The following KLF12 variants were observed in gnomAD, a reference collection of about 807,000 sequenced individuals.
KLF12 encodes the protein Krueppel-like factor 12.
In KLF12, 9 loss-of-function variants were observed where a neutral mutation model predicts 37.8. The observed-to-expected ratio is 0.24, with a 90% confidence interval of 0.14 to 0.42. The LOEUF is 0.42. Ranked by LOEUF, KLF12 falls within the 10% of genes least tolerant of loss-of-function variation. KLF12 has a pLI of 1.00. For synonymous variants in KLF12, 208 were observed against 202.1 expected (o/e 1.03, Z -0.25); for missense variants, 411 against 516.0 (o/e 0.80, Z 1.97).
At chr13:73,727,790 C>A (rs993856829) in intron 6 of KLF12, among the ~76,000 whole-genome samples, 49 of 152,002 alleles carry the variant, frequency 3.2e-4, no homozygotes, top group Middle Eastern at 3.4e-3. Context: ...CTCCGTCTCC[C>A]GGGTTCAAGT....
chr13:74,200,069 G>A, the KLF12 span, among the ~76,000 whole-genome samples: 1 of 152,130 alleles, frequency 6.6e-6, no homozygotes. Flanking sequence ...AGATCACACG[G>A]CAGTGGGAGA....
At chr13:73,727,225 T>C (rs1457656941) in intron 6 of KLF12, among the ~76,000 whole-genome samples, 1 of 152,244 alleles carries the variant, frequency 6.6e-6, no homozygotes, top group African/African-American at 2.4e-5. Context: ...TAGTTCACTT[T>C]ATTATTTTTT....
At chr13:73,855,759 C>T (rs1405898644) in intron 3 of KLF12, among the ~76,000 whole-genome samples, 1 of 152,120 alleles carries the variant, frequency 6.6e-6, no homozygotes. Flanking sequence ...AAATATGTTA[C>T]TTTTGTTTAC....
At chr13:74,200,192 G>A in the KLF12 span, among the ~76,000 whole-genome samples, 1 of 149,704 alleles carries the variant, frequency 6.7e-6, no homozygotes, top group Non-Finnish European at 1.5e-5. Context: ...GCTTGCTCAG[G>A]GGGGGGGTTT....
chr13:74,276,096 TTAAG>T, the KLF12 span, among the ~76,000 whole-genome samples: 1 of 151,538 alleles, frequency 6.6e-6, no homozygotes, highest in Non-Finnish European at 1.5e-5. Context: ...CCCGCATGGA[TTAAG>T]TATTTGTCCT....
intron 3 of KLF12, among the ~76,000 whole-genome samples, chr13:73,910,701 T>C (rs1026103448): frequency 6.6e-6 from 1 of 152,134 alleles, no homozygotes; most frequent in Non-Finnish European, 1.5e-5. Context: ...TATTACCAAA[T>C]AACCAGGGGT....
intron 4 of KLF12, among the ~76,000 whole-genome samples, chr13:73,830,026 TTAAAG>T (rs1254456398): frequency 1.3e-5 from 2 of 152,218 alleles, no homozygotes; most frequent in Non-Finnish European, 2.9e-5. Context: ...ATGGTGACTA[TTAAAG>T]TAATCACAAT....
chr13:74,203,951 T>TA, the KLF12 span, among the ~76,000 whole-genome samples: 11 of 152,178 alleles, frequency 7.2e-5, no homozygotes, highest in Admixed American at 6.6e-4. Context: ...AGAAAGACCT[T>TA]AAAAAAAGAT....
chr13:73,844,764 T>C (rs1884926102), intron 4 of KLF12: 1 of 152,200 alleles, frequency 6.6e-6, no homozygotes, highest in Non-Finnish European at 1.5e-5. Context: ...AGGCAGTGTT[T>C]TATGTACTCA....
At chr13:74,208,598 A>T in the KLF12 span, among the ~76,000 whole-genome samples, 1 of 152,166 alleles carries the variant, frequency 6.6e-6, no homozygotes, top group Non-Finnish European at 1.5e-5. Flanking sequence ...CTATTTTCCT[A>T]TCAAAATCAG....
Position 73,715,389 on chromosome 13 carries a change from C to G in KLF12, c.1006G>C (p.Ala336Pro), listed in dbSNP as rs1875721877. 1 of 1,613,742 alleles carries G rather than the reference C, an allele frequency of 6.2e-7. No individual in the cohort carries two copies. The highest frequency in any genetic ancestry group is 1.3e-5 in the African/African-American group (1 of 74,924). Residue 336 changes from alanine (A) to proline (P), a missense_variant, in exon 7 of 8, where the codon GCT (alanine) becomes CCT (proline). By Grantham distance (27) the Ala-to-Pro change is conservative. Coordinates refer to ENST00000377669, the MANE Select transcript of KLF12 (RefSeq NM_007249.5). ...GTACCTGTATGTGTCCTCCGGTGAG[C>G]CTTCAGGTGAGAACTTTTTGTGTAC...
At chr13:73,932,191 C>A (rs931371396) in intron 3 of KLF12, among the ~76,000 whole-genome samples, 12 of 152,232 alleles carry the variant, frequency 7.9e-5, no homozygotes, top group African/African-American at 2.9e-4. Context: ...GGCAATGAAA[C>A]TGGAGTTTGA....
At chr13:73,937,652 A>G (rs1390155604) in intron 3 of KLF12, among the ~76,000 whole-genome samples, 4 of 152,192 alleles carry the variant, frequency 2.6e-5, no homozygotes, top group African/African-American at 9.6e-5. Context: ...GTACATTGCT[A>G]AAGGGAAGAA....
chr13:74,275,778 TTTTC>T, the KLF12 span, among the ~76,000 whole-genome samples: 5,010 of 93,798 alleles, frequency 0.053, 416 homozygotes, highest in South Asian at 0.084. Flanking sequence ...ATGCCTGTCT[TTTTC>T]TTTCTTTCTT....
At chr13:73,869,036 CTGAT>C (rs1277748413) in intron 3 of KLF12, among the ~76,000 whole-genome samples, 1 of 152,004 alleles carries the variant, frequency 6.6e-6, no homozygotes, top group East Asian at 1.9e-4. Context: ...ATTTCTTTAT[CTGAT>C]TGTTAGTTAC....
At chr13:74,070,399 T>C (rs558928789) in intron 1 of KLF12, among the ~76,000 whole-genome samples, 1 of 152,252 alleles carries the variant, frequency 6.6e-6, no homozygotes, top group Non-Finnish European at 1.5e-5. Flanking sequence ...GACTATGAAG[T>C]GGGGACAAGC....
At chr13:74,094,160 TGCACAAATATATACAG>T (rs1566209180) in intron 1 of KLF12, among the ~76,000 whole-genome samples, 1 of 152,162 alleles carries the variant, frequency 6.6e-6, no homozygotes, top group African/African-American at 2.4e-5. Context: ...GTCATATACA[TGCACAAATATATACAG>T]ACACAGTAGA....
Position 74,017,143 on chromosome 13 carries a change from C to A in KLF12, c.-31-22090G>T, listed in dbSNP as rs957307666. ...TGGATAAATACTGTGTGTATATCTT[C>A]ATTTTGTGGGAACTCATCCATTTGT... On this transcript the variant is annotated intron_variant, in intron 1 of 7. Transcript: ENST00000377669. 1.5e-4 allele frequency among the ~76,000 whole-genome samples: 22 copies of A among 151,122 alleles called. 1 individual carries two copies. The highest frequency in any genetic ancestry group is 4.1e-4 in the African/African-American group (17 of 41,140).
At chr13:73,894,291 GCA>G (rs1440022841) in intron 3 of KLF12, among the ~76,000 whole-genome samples, 2 of 152,146 alleles carry the variant, frequency 1.3e-5, no homozygotes, top group African/African-American at 4.8e-5. Flanking sequence ...TACAAACCAT[GCA>G]CACCAATGTA....
Sources: allele counts gnomAD v4.1 joint callset (sites outside exome capture counted in the v4.1 genomes callset), GRCh38; gene constraint gnomAD v4.1.1; transcripts MANE v1.5; gene names NCBI Gene and HGNC (gene_info 2026-07-23, HGNC 2026-07-21).